CFAP92: variants seen among roughly 807,000 people sequenced by gnomAD.
CFAP92 encodes cilia and flagella associated protein 92 (putative), also known as uncharacterized protein CFAP92.
Under a neutral mutation model 106.3 loss-of-function variants are expected in CFAP92, and 86 were observed. The ratio of observed to expected loss-of-function variants is 0.81; its 90% CI spans 0.68 to 0.97. The LOEUF (loss-of-function observed/expected upper bound fraction) is 0.97. CFAP92 is among the 50% of genes least tolerant of loss of function. CFAP92 has a pLI of 0.00. For synonymous variants in CFAP92, 477 were observed against 506.4 expected (o/e 0.94, Z 0.78); for missense variants, 1,204 against 1,283.8 (o/e 0.94, Z 0.95).
chr3:128,933,018 C>T (rs1016627907), intron 11 of CFAP92, 21 bp from the exon 12 acceptor site: 3 of 1,534,772 alleles, frequency 2.0e-6, no homozygotes, highest in African/African-American at 1.4e-5. Flanking sequence ...GAACCACTGC[C>T]CCACTGAACC....
rs1212615605 is a variant in CFAP92 at position 128,945,580 on chromosome 3, G to A, written c.1749C>T (p.Ala583=). The A allele has an allele frequency of 3.9e-5, 60 of 1,535,992 alleles. No homozygotes were observed. The highest frequency in any genetic ancestry group is 5.1e-5 in the Non-Finnish European group (58 of 1,146,924). ...GAACCTCACAGCTGTGGATGGGGAC[G>A]GCCAGATTCAAGTACTTGTGGCCAA... is the stretch of plus-strand genomic sequence containing the variant. The part of the protein sequence containing the change: ...LLLGHKYLNL[A]VPIHSCEVQP... Residue 583 remains alanine (A), a synonymous_variant, in exon 10 of 16, where the codon GCC becomes GCT. Coordinates refer to ENST00000645291, the MANE Select transcript of CFAP92 (RefSeq NM_001394090.1).
chr3:129,020,686 A>C, the CFAP92 span, among the ~76,000 whole-genome samples: 1 of 152,144 alleles, frequency 6.6e-6, no homozygotes, highest in African/African-American at 2.4e-5. Flanking sequence ...AAGAGGTGAA[A>C]GACTTGGTAA....
the CFAP92 span, among the ~76,000 whole-genome samples, chr3:129,008,723 T>C: frequency 1.3e-5 from 2 of 152,030 alleles, no homozygotes; most frequent in Non-Finnish European, 2.9e-5. Flanking sequence ...GCAGGTGAAA[T>C]AGAAGCCTCC....
chr3:128,960,798 C>T, intron 9 of CFAP92, among the ~76,000 whole-genome samples: 1 of 151,582 alleles, frequency 6.6e-6, no homozygotes, highest in Non-Finnish European at 1.5e-5. Context: ...GGGCAAGTAC[C>T]CCTCAACCCC....
In CFAP92 at chr3:128,935,235, C is replaced by T; in HGVS notation, c.2343G>A (p.Glu781=). The change falls in exon 11 of 16, where the codon GAG becomes GAA. Residue 781 remains glutamate, a synonymous_variant. Coordinates refer to ENST00000645291, the MANE Select transcript of CFAP92 (RefSeq NM_001394090.1). ...LFRSRLYGDL[E]AILYHVHLFQ... ...AGAGGTGCACGTGGTACAGGATGGC[C>T]TCCAGGTCCCCATAGAGCCGGCTGC... The T allele has an allele frequency of 6.5e-7, 1 of 1,536,062 alleles. No individual in the cohort carries two copies. Among genetic ancestry groups the T allele is most frequent in the Non-Finnish European group, 8.7e-7 (1 of 1,146,838 alleles).
chr3:128,919,847 G>A (rs1384732917), intron 12 of CFAP92, among the ~76,000 whole-genome samples: 1 of 152,178 alleles, frequency 6.6e-6, no homozygotes, highest in Non-Finnish European at 1.5e-5. Flanking sequence ...GTACCTCTAG[G>A]CCTCCAGTTT....
In CFAP92 at chr3:128,923,135, G is replaced by A. The variant is rs188720505; in HGVS notation, c.2752-6864C>T. 3.3e-5 allele frequency among the ~76,000 whole-genome samples: 5 copies of A among 149,822 alleles called. No homozygotes were observed. In the East Asian group the frequency reaches 9.6e-4, roughly 29 times the overall value. Reference sequence around the variant, plus strand: ...TAGATTTACTAACGTGGGGTTGAGGGTATGCTTGTGTTTTTGCAGGAGATG... The same window carrying A: ...TAGATTTACTAACGTGGGGTTGAGGATATGCTTGTGTTTTTGCAGGAGATG... On this transcript the variant is annotated intron_variant, in intron 12 of 15. Coordinates refer to ENST00000645291, the MANE Select transcript of CFAP92 (RefSeq NM_001394090.1).
At chr3:128,923,040 T>G (rs980342129) in intron 12 of CFAP92, among the ~76,000 whole-genome samples, 1 of 152,272 alleles carries the variant, frequency 6.6e-6, no homozygotes, top group African/African-American at 2.4e-5. Context: ...AGTTACAGCT[T>G]GTAGAACAAA....
At chr3:128,943,760 C>T (rs1231422602) in intron 10 of CFAP92, among the ~76,000 whole-genome samples, 2 of 151,810 alleles carry the variant, frequency 1.3e-5, no homozygotes, top group African/African-American at 4.8e-5. Flanking sequence ...TGGTCCCGAA[C>T]TCCTGACCTC....
At chr3:128,984,828 A>T (rs1943751210) in intron 4 of CFAP92, among the ~76,000 whole-genome samples, 1 of 152,224 alleles carries the variant, frequency 6.6e-6, no homozygotes, top group Non-Finnish European at 1.5e-5. Flanking sequence ...CCAGGCATCC[A>T]AGAAACATCC....
intron 15 of CFAP92, 26 bp downstream of exon 15, chr3:128,915,093 C>T: frequency 6.5e-7 from 1 of 1,531,580 alleles, no homozygotes. Context: ...TCAGGAGGCC[C>T]AGCTTGGCAA....
chr3:128,969,950 A>C (rs1472930620), intron 8 of CFAP92: 2 of 152,142 alleles, frequency 1.3e-5, no homozygotes, highest in Non-Finnish European at 2.9e-5. Context: ...ATCATTTTCA[A>C]AAAGTCATTT....
intron 9 of CFAP92, among the ~76,000 whole-genome samples, chr3:128,962,696 T>C (rs1942036120): frequency 6.6e-6 from 1 of 152,094 alleles, no homozygotes; most frequent in African/African-American, 2.4e-5. Flanking sequence ...CAATATCCTA[T>C]CCCACAGCAC....
rs2107664195 is a variant in CFAP92 at position 128,910,002 on chromosome 3, G to A, written c.*297C>T. The A allele has an allele frequency of 6.2e-7, 1 of 1,612,500 alleles. No individual in the cohort carries two copies. The highest frequency in any genetic ancestry group is 1.7e-5 in the Admixed American group (1 of 59,840). On this transcript the variant is annotated 3_prime_UTR_variant, in exon 16 of 16. Coordinates refer to ENST00000645291, the MANE Select transcript of CFAP92 (RefSeq NM_001394090.1). ...TGGTCTAGGTAGTGAGTCCCCACTT[G>A]GAGCCTCTGTGATCCCAGACCATCA... is the stretch of plus-strand genomic sequence containing the variant.
intron 11 of CFAP92, among the ~76,000 whole-genome samples, chr3:128,933,908 CCTT>C (rs1284943007): frequency 1.3e-5 from 2 of 151,994 alleles, no homozygotes; most frequent in African/African-American, 4.8e-5. Context: ...TCCTCCTCCT[CCTT>C]CATTAATACA....
rs564472451 is a variant in CFAP92, at chr3:128,928,457, G to A, written c.2751+4243C>T. Among the ~76,000 whole-genome samples, 8 of 152,250 alleles carry A rather than the reference G, an allele frequency of 5.3e-5. No homozygotes were observed. The East Asian group carries it at 1.5e-3, about 29-fold the overall frequency. On this transcript the variant is annotated intron_variant, in intron 12 of 15. Coordinates refer to ENST00000645291, the MANE Select transcript of CFAP92 (RefSeq NM_001394090.1). The stretch of plus-strand genomic sequence containing the variant: ...TCAAGACAATGTGTTGCTGGTATAT[G>A]GAGAGGCATATAAGTTAATGGAACA...
upstream of CFAP92, chr3:129,003,862 G>C (rs1576694421): frequency 6.9e-7 from 1 of 1,440,504 alleles, no homozygotes; most frequent in African/African-American, 1.5e-5. Context: ...CTGCGGTGCG[G>C]GAGCTGCGTC....
rs538644851 is a variant in CFAP92, at chr3:128,993,329, C to A, written c.-25G>T. On this transcript the variant is annotated 5_prime_UTR_variant, in exon 2 of 16. Transcript: ENST00000645291. ...TGCTGCAGAGCGCACTGCTGGCCGC[C>A]GGCGCTCCTGGCAGGGAGAAAGTGA... is the stretch of plus-strand genomic sequence containing the variant. 7 of 1,598,774 alleles carry A rather than the reference C, an allele frequency of 4.4e-6. No individual in the cohort carries two copies. In the East Asian group the frequency reaches 1.1e-4, roughly 26 times the overall value.
the CFAP92 span, among the ~76,000 whole-genome samples, chr3:129,016,270 C>T: frequency 6.6e-6 from 1 of 152,116 alleles, no homozygotes; most frequent in Non-Finnish European, 1.5e-5. Flanking sequence ...GGGACATTAT[C>T]CTGGCTGGTC....
Sources: gnomAD v4.1 joint callset for allele counts (sites outside exome capture counted in the v4.1 genomes callset) on GRCh38, gnomAD v4.1.1 for gene constraint, MANE v1.5 for transcripts, NCBI Gene and HGNC (gene_info 2026-07-23, HGNC 2026-07-21) for gene names.